Variants in GAPVD1 observed in about 807,000 individuals in gnomAD.
GAPVD1 encodes GTPase activating protein and VPS9 domains 1.
A neutral mutation model predicts 155.5 loss-of-function variants in GAPVD1; 35 were observed. That is an observed-to-expected ratio of 0.23 (90% CI 0.17 to 0.30). The LOEUF (loss-of-function observed/expected upper bound fraction) is 0.30. Among genes scored for constraint, GAPVD1 ranks in the 10% least tolerant of loss-of-function variants. GAPVD1 has a pLI of 1.00. For missense variants in GAPVD1, 1,429 were observed against 1,775.7 expected, an observed-to-expected ratio of 0.80 and a Z score of 3.51; for synonymous variants, 636 against 619.7, an observed-to-expected ratio of 1.03 and a Z score of -0.39.
chr9:125,340,445 G>T (rs560634051), intron 17 of GAPVD1, among the ~76,000 whole-genome samples: 1 of 152,272 alleles, frequency 6.6e-6, no homozygotes, highest in Non-Finnish European at 1.5e-5. Flanking sequence ...TTGAGGAAGA[G>T]GGGGAGGTAA....
chr9:125,307,935 C>T, intron 8 of GAPVD1, 55 bp downstream of exon 8: 1 of 1,205,654 alleles, frequency 8.3e-7, no homozygotes, highest in Non-Finnish European at 1.2e-6. Context: ...TTTCATTAGC[C>T]TTTGTTATTG....
Position 125,302,173 on chromosome 9 carries a change from CAA to C in GAPVD1, c.378_379del (p.Ser127CysfsTer19), listed in dbSNP as rs1841006430. 1 of 1,613,610 alleles carries C rather than the reference CAA, an allele frequency of 6.2e-7. No individual in the cohort carries two copies. The highest frequency in any genetic ancestry group is 8.5e-7 in the Non-Finnish European group (1 of 1,179,742). On this transcript the variant is annotated frameshift_variant, in exon 5 of 28. Coordinates refer to ENST00000297933, the MANE Select transcript of GAPVD1 (RefSeq NM_001282680.3). LOFTEE classifies it high-confidence loss of function. ...AGAGAAACTTAATCAGGAGAACACA[CAA>C]AGTGTTATTTACACAGTTTTTACCT... ...AGEKLNQENT[Q>X]SVIYTVFTSL...
At chr9:125,307,587 TTTAGC>T in intron 7 of GAPVD1, 40 bp downstream of exon 7, 1 of 1,594,334 alleles carries the variant, frequency 6.3e-7, no homozygotes, top group Non-Finnish European at 8.6e-7. Context: ...TCGAAAGTCT[TTTAGC>T]TAAGCGTGAG....
chr9:125,335,492 A>T (rs373882224), intron 15 of GAPVD1, among the ~76,000 whole-genome samples: 1 of 152,116 alleles, frequency 6.6e-6, no homozygotes, highest in Non-Finnish European at 1.5e-5. Flanking sequence ...CCTGGCCAAC[A>T]TGGTGAAACC....
intron 6 of GAPVD1, 109 bp from the exon 7 acceptor site, chr9:125,307,304 T>TA: frequency 1.4e-6 from 1 of 708,508 alleles, no homozygotes; most frequent in Non-Finnish European, 2.2e-6. Context: ...CTTAAAAAAA[T>TA]ATGATTTTTA....
chr9:125,271,290 G>C (rs545384000), intron 2 of GAPVD1, among the ~76,000 whole-genome samples: 1 of 151,818 alleles, frequency 6.6e-6, no homozygotes, highest in Non-Finnish European at 1.5e-5. Context: ...GTACACCCAC[G>C]CTGGAGACTA....
At position 125,365,369 on chromosome 9, in the gene GAPVD1, T is replaced by C. The variant is rs536561479; in HGVS notation, c.*2623T>C. The C allele has an allele frequency of 1.3e-5, 2 of 152,214 alleles. No homozygotes were observed. The highest frequency in any genetic ancestry group is 1.3e-4 in the Admixed American group (2 of 15,282). The allele number at this position is 152,214 out of a possible 1,614,324, so 9.4% of individuals were successfully genotyped here. ...AGAGGAATAGTTGTTCCCCAAATGT[T>C]TCTTCCTCCACTGCCTTCCAGTACT... On this transcript the variant is annotated 3_prime_UTR_variant, in exon 28 of 28. Coordinates refer to ENST00000297933, the MANE Select transcript of GAPVD1 (RefSeq NM_001282680.3).
chr9:125,274,751 T>G (rs1835492738), intron 2 of GAPVD1, among the ~76,000 whole-genome samples: 1 of 152,028 alleles, frequency 6.6e-6, no homozygotes, highest in Non-Finnish European at 1.5e-5. Context: ...CGTGAGCCAC[T>G]GTGCCTGGCC....
At chr9:125,274,132 C>T (rs1052255048) in intron 2 of GAPVD1, among the ~76,000 whole-genome samples, 7 of 151,826 alleles carry the variant, frequency 4.6e-5, no homozygotes, top group Admixed American at 3.9e-4. Flanking sequence ...ATTTTCCTGC[C>T]TCAGCCTCCC....
rs1851209564 is a variant in GAPVD1 at position 125,363,459 on chromosome 9, A to G, written c.*713A>G. 3 of 152,314 alleles carry G rather than the reference A, an allele frequency of 2.0e-5. No homozygotes were observed. Among genetic ancestry groups the G allele is most frequent in the African/African-American group, 4.8e-5 (2 of 41,580 alleles). 9.4% of individuals were successfully genotyped at this position (152,314 alleles called of 1,614,324 possible). On this transcript the variant is annotated 3_prime_UTR_variant, in exon 28 of 28. Transcript: ENST00000297933. Reference sequence around the variant, plus strand: ...ATACAGTTTATTGAACTTTCTAGGTATGGAGTTTGATGGACAGGGCTGCCT... The same window carrying G: ...ATACAGTTTATTGAACTTTCTAGGTGTGGAGTTTGATGGACAGGGCTGCCT...
At chr9:125,325,608 A>G (rs2131617865) in intron 11 of GAPVD1, among the ~76,000 whole-genome samples, 1 of 151,976 alleles carries the variant, frequency 6.6e-6, no homozygotes, top group South Asian at 2.1e-4. Flanking sequence ...TTAGCTTTTT[A>G]AAAATTCCAT....
chr9:125,350,636 G>A (rs768815357), intron 22 of GAPVD1, 77 bp from the exon 23 acceptor site: 54 of 876,406 alleles, frequency 6.2e-5, no homozygotes, highest in Non-Finnish European at 5.4e-5. Flanking sequence ...CAGAATTGAC[G>A]TCCCAAATGC....
At chr9:125,337,726 A>T in intron 17 of GAPVD1, 135 bp downstream of exon 17, 1 of 921,334 alleles carries the variant, frequency 1.1e-6, no homozygotes, top group Non-Finnish European at 1.6e-6. Flanking sequence ...TTGTCAATCT[A>T]TGGGCCCACA....
intron 4 of GAPVD1, among the ~76,000 whole-genome samples, chr9:125,301,215 C>T (rs529189148): frequency 6.6e-6 from 1 of 152,018 alleles, no homozygotes; most frequent in African/African-American, 2.4e-5. Flanking sequence ...CCTACAGGCA[C>T]ACGCCACCAC....
At chr9:125,345,064 T>A (rs1205285077) in intron 19 of GAPVD1, among the ~76,000 whole-genome samples, 1 of 152,164 alleles carries the variant, frequency 6.6e-6, no homozygotes, top group Non-Finnish European at 1.5e-5. Context: ...CCGTGCATAC[T>A]GGAGTCCTGC....
intron 9 of GAPVD1, among the ~76,000 whole-genome samples, chr9:125,314,608 C>G (rs970374744): frequency 1.3e-5 from 2 of 151,726 alleles, no homozygotes; most frequent in Non-Finnish European, 2.9e-5. Flanking sequence ...GAGCTGAGAT[C>G]GCCCCATTGC....
At chr9:125,340,640 T>C (rs189905091) in intron 17 of GAPVD1, among the ~76,000 whole-genome samples, 1 of 152,136 alleles carries the variant, frequency 6.6e-6, no homozygotes, top group Admixed American at 6.5e-5. Flanking sequence ...CCTTCTGGAG[T>C]TTATTTGTAC....
rs142679956 is a variant in GAPVD1 at position 125,299,253 on chromosome 9, A to G, written c.185+147A>G. Reference sequence around the variant, plus strand: ...AATGTTAAGGTGAGTCTTTGCTTATAATACAGTTTATTTGGATTATTAAGT... The same window carrying G: ...AATGTTAAGGTGAGTCTTTGCTTATGATACAGTTTATTTGGATTATTAAGT... On this transcript the variant is annotated intron_variant, in intron 4 of 27. Coordinates refer to ENST00000297933, the MANE Select transcript of GAPVD1 (RefSeq NM_001282680.3). 11 of 499,306 alleles carry G rather than the reference A, an allele frequency of 2.2e-5. No homozygotes were observed. The East Asian group carries it at 3.1e-4, about 14-fold the overall frequency. The allele number at this position is 499,306 out of a possible 1,614,324, so 30.9% of individuals were successfully genotyped here. A position where few individuals can be genotyped will look rare whatever the true frequency, so the allele number is the denominator to read the frequency against.
intron 9 of GAPVD1, among the ~76,000 whole-genome samples, chr9:125,313,843 C>T (rs1843004675): frequency 6.6e-6 from 1 of 152,200 alleles, no homozygotes; most frequent in Non-Finnish European, 1.5e-5. Flanking sequence ...TCCAGTGATC[C>T]ACCCACCTTG....
Sources: allele counts gnomAD v4.1 joint callset (sites outside exome capture counted in the v4.1 genomes callset), GRCh38; gene constraint gnomAD v4.1.1; transcripts MANE v1.5; gene names NCBI Gene and HGNC (gene_info 2026-07-23, HGNC 2026-07-21).